BNC2: variants seen among roughly 807,000 people sequenced by gnomAD.
BNC2 encodes basonuclin zinc finger protein 2, also known as zinc finger protein basonuclin-2.
A neutral mutation model predicts 76.3 loss-of-function variants in BNC2; 20 were observed. That is an observed-to-expected ratio of 0.26 (90% CI 0.18 to 0.38). The LOEUF is 0.38. Among genes scored for constraint, BNC2 ranks in the 10% least tolerant of loss-of-function variants. BNC2 has a pLI of 1.00. For missense variants in BNC2, 1,382 were observed against 1,399.8 expected, an observed-to-expected ratio of 0.99 and a Z score of 0.20; for synonymous variants, 582 against 514.8, an observed-to-expected ratio of 1.13 and a Z score of -1.77.
intron 1 of BNC2, among the ~76,000 whole-genome samples, chr9:16,759,802 C>T (rs975808187): frequency 6.6e-6 from 1 of 151,804 alleles, no homozygotes; most frequent in African/African-American, 2.4e-5. Context: ...CGGCTCACTG[C>T]CTGCTCCGCC....
intron 5 of BNC2, among the ~76,000 whole-genome samples, chr9:16,545,446 T>C (rs1468412764): frequency 6.6e-6 from 1 of 152,136 alleles, no homozygotes; most frequent in African/African-American, 2.4e-5. Context: ...TATCCCTGTT[T>C]TACAGGTGAG....
intron 3 of BNC2, among the ~76,000 whole-genome samples, chr9:16,702,374 C>T (rs968391899): frequency 3.3e-5 from 5 of 152,060 alleles, no homozygotes; most frequent in African/African-American, 1.2e-4. Context: ...CAAAAGTAAA[C>T]AGGATCCAAC....
At chr9:16,517,512 G>A (rs1817475987) in intron 5 of BNC2, among the ~76,000 whole-genome samples, 1 of 152,022 alleles carries the variant, frequency 6.6e-6, no homozygotes, top group Admixed American at 6.6e-5. Flanking sequence ...AGAAAGAAGG[G>A]GCAGTGGGAG....
chr9:16,454,387 G>C (rs1278336329), intron 5 of BNC2, among the ~76,000 whole-genome samples: 1 of 152,030 alleles, frequency 6.6e-6, no homozygotes, highest in Non-Finnish European at 1.5e-5. Context: ...ACTTCAGCCT[G>C]ACTCCTTGGC....
intron 1 of BNC2, among the ~76,000 whole-genome samples, chr9:16,844,528 C>G (rs373958710): frequency 4.8e-4 from 66 of 138,434 alleles, no homozygotes; most frequent in African/African-American, 1.6e-3. Flanking sequence ...GACGGAGTCT[C>G]GCTCTGTCAC....
At chr9:16,677,578 A>AACAAACACACACACAC (rs1554706101) in intron 3 of BNC2, among the ~76,000 whole-genome samples, 1 of 139,256 alleles carries the variant, frequency 7.2e-6, no homozygotes, top group African/African-American at 2.8e-5. Flanking sequence ...GTCTCAAACA[A>AACAAACACACACACAC]ACACACACAC....
intron 1 of BNC2, among the ~76,000 whole-genome samples, chr9:16,812,434 C>G (rs1310739726): frequency 2.0e-5 from 3 of 152,222 alleles, no homozygotes; most frequent in Admixed American, 1.3e-4. Context: ...CAGACGCCAG[C>G]TCCAAACCCA....
In BNC2 at chr9:16,790,445, C is replaced by A. The variant is rs562621988; in HGVS notation, c.4-51960G>T. Reference sequence around the variant, plus strand: ...TTAGTACTCTAAAACATCAGAAACTCTGAGAATTGTTTTATTTATTTATAA... The same window carrying A: ...TTAGTACTCTAAAACATCAGAAACTATGAGAATTGTTTTATTTATTTATAA... On this transcript the variant is annotated intron_variant, in intron 1 of 6. Coordinates refer to ENST00000380672, the MANE Select transcript of BNC2 (RefSeq NM_017637.6). Among the ~76,000 whole-genome samples the A allele has an allele frequency of 2.0e-5, 3 of 152,266 alleles. No homozygotes were observed. The South Asian group carries it at 6.2e-4, about 32-fold the overall frequency.
intron 6 of BNC2, among the ~76,000 whole-genome samples, chr9:16,431,667 T>C (rs936017191): frequency 1.3e-5 from 2 of 152,176 alleles, no homozygotes; most frequent in Non-Finnish European, 2.9e-5. Context: ...ACTTCAGCAG[T>C]CACCTTAGAG....
chr9:16,695,878 C>G (rs996425473), intron 3 of BNC2, among the ~76,000 whole-genome samples: 15 of 148,894 alleles, frequency 1.0e-4, no homozygotes, highest in Non-Finnish European at 2.0e-4. Context: ...AATAGGTTCA[C>G]TGGTCTCCTT....
intron 1 of BNC2, among the ~76,000 whole-genome samples, chr9:16,837,224 G>T (rs1818727012): frequency 1.3e-5 from 2 of 152,146 alleles, no homozygotes; most frequent in Non-Finnish European, 2.9e-5. Context: ...CCATAATTCT[G>T]GCCAGGCTTG....
chr9:16,557,785 C>A (rs1362085330), intron 4 of BNC2, among the ~76,000 whole-genome samples: 1 of 151,946 alleles, frequency 6.6e-6, no homozygotes, highest in Non-Finnish European at 1.5e-5. Context: ...GTAATAGAAG[C>A]TACATTTCCT....
At position 16,416,916 on chromosome 9, in the gene BNC2, T is replaced by G. The variant is rs1212229617; in HGVS notation, c.*2073A>C. ...ATATTAACAGTTTCCTTTGGCAAAT[T>G]TAACGGAAGTGAATGCTGATGTGAA... On this transcript the variant is annotated 3_prime_UTR_variant, in exon 7 of 7. Coordinates refer to ENST00000380672, the MANE Select transcript of BNC2 (RefSeq NM_017637.6). 1 of 152,522 alleles carries G rather than the reference T, an allele frequency of 6.6e-6. No individual in the cohort carries two copies. The highest frequency in any genetic ancestry group is 1.5e-5 in the Non-Finnish European group (1 of 68,012). The allele number at this position is 152,522 out of a possible 1,614,324, so 9.4% of individuals were successfully genotyped here.
intron 1 of BNC2, among the ~76,000 whole-genome samples, chr9:16,862,630 G>C (rs968117093): frequency 6.6e-6 from 1 of 152,208 alleles, no homozygotes; most frequent in African/African-American, 2.4e-5. Context: ...GATACCTGCA[G>C]AGAGTAGCTA....
intron 4 of BNC2, among the ~76,000 whole-genome samples, chr9:16,570,704 A>G (rs1819298039): frequency 6.6e-6 from 1 of 152,128 alleles, no homozygotes; most frequent in Non-Finnish European, 1.5e-5. Context: ...CATATCATTG[A>G]GCAGATAGGG....
intron 1 of BNC2, among the ~76,000 whole-genome samples, chr9:16,741,290 C>T (rs1824842897): frequency 1.3e-5 from 2 of 151,928 alleles, no homozygotes; most frequent in South Asian, 2.1e-4. Context: ...CCCGTTTCTA[C>T]TAAAAATACA....
At chr9:16,691,497 A>C (rs1587320247) in intron 3 of BNC2, among the ~76,000 whole-genome samples, 1 of 127,034 alleles carries the variant, frequency 7.9e-6, no homozygotes, top group East Asian at 2.3e-4. Context: ...ACGGATGGGT[A>C]TGGGTTCTTT....
chr9:16,533,966 CGTCTGACTTCTAAAAT>C (rs1818058784), intron 5 of BNC2, among the ~76,000 whole-genome samples: 1 of 149,746 alleles, frequency 6.7e-6, no homozygotes, highest in South Asian at 2.1e-4. Context: ...CTACAAAAAA[CGTCTGACTTCTAAAAT>C]TCGTTTTTAA....
intron 3 of BNC2, among the ~76,000 whole-genome samples, chr9:16,706,234 G>A (rs1196899059): frequency 6.6e-6 from 1 of 152,118 alleles, no homozygotes; most frequent in Non-Finnish European, 1.5e-5. Flanking sequence ...ACCACTGAAG[G>A]ATGTCTTCCA....
Sources: gnomAD v4.1 joint callset for allele counts (sites outside exome capture counted in the v4.1 genomes callset) on GRCh38, gnomAD v4.1.1 for gene constraint, MANE v1.5 for transcripts, NCBI Gene and HGNC (gene_info 2026-07-23, HGNC 2026-07-21) for gene names.